The following RAB30 variants were observed in gnomAD, a reference collection of about 807,000 sequenced individuals.
RAB30 encodes the protein RAB30, member RAS oncogene family.
Under a neutral mutation model 25.1 loss-of-function variants are expected in RAB30, and 9 were observed. That is an observed-to-expected ratio of 0.36 (90% confidence interval 0.22 to 0.63). RAB30 has a LOEUF of 0.63. RAB30 is among the 20% of genes least tolerant of loss of function. The pLI is 0.69. For synonymous variants in RAB30, 77 were observed against 86.4 expected (o/e 0.89, Z 0.60); for missense variants, 140 against 243.5 (o/e 0.58, Z 2.83).
chr11:83,039,834 T>C (rs1858067283), intron 1 of RAB30, among the ~76,000 whole-genome samples: 1 of 152,112 alleles, frequency 6.6e-6, no homozygotes, highest in Admixed American at 6.6e-5. Context: ...AATGGCCGAC[T>C]TAATAAGTAG....
At chr11:82,985,714 C>CTT (rs60932116) in intron 4 of RAB30, among the ~76,000 whole-genome samples, 2,196 of 128,888 alleles carry the variant, frequency 0.017, 47 homozygotes, top group African/African-American at 0.051. Flanking sequence ...CCTTACTTGG[C>CTT]TTTTTTTTTT....
intron 1 of RAB30, among the ~76,000 whole-genome samples, chr11:83,025,724 G>C (rs1166962831): frequency 6.6e-6 from 1 of 152,190 alleles, no homozygotes; most frequent in Admixed American, 6.5e-5. Flanking sequence ...AATAAGAGGG[G>C]AGTACACAGA....
chr11:83,009,362 G>A lies in RAB30; in HGVS notation c.-8-12038C>T, dbSNP rs368560236. Among the ~76,000 whole-genome samples, 106 of 152,244 alleles carry A rather than the reference G, an allele frequency of 7.0e-4. 1 individual carries two copies. The South Asian group carries it at 0.011, about 15-fold the overall frequency. ...ATTACAGGCGTGAGCCACCGCGCCCGGCCAAAAACGGGGAAATTTTTAAGC... is the reference window on the plus strand; with the variant it reads ...ATTACAGGCGTGAGCCACCGCGCCCAGCCAAAAACGGGGAAATTTTTAAGC... On this transcript the variant is annotated intron_variant, in intron 1 of 4. Coordinates refer to ENST00000527633, the MANE Select transcript of RAB30 (RefSeq NM_001286060.2).
intron 1 of RAB30, among the ~76,000 whole-genome samples, chr11:83,001,024 G>A (rs1284590932): frequency 7.8e-6 from 1 of 127,938 alleles, no homozygotes; most frequent in African/African-American, 3.1e-5. Context: ...TCCCGCCTGG[G>A]CGACAGAACG....
chr11:83,019,757 G>A (rs559602807), intron 1 of RAB30, among the ~76,000 whole-genome samples: 17 of 152,252 alleles, frequency 1.1e-4, no homozygotes, highest in Admixed American at 1.3e-4. Context: ...TTTTCAGTAC[G>A]AAATTCAATA....
intron 1 of RAB30, chr11:83,038,796 G>A (rs1266588999): frequency 6.6e-6 from 1 of 151,444 alleles, no homozygotes; most frequent in African/African-American, 2.4e-5. Context: ...ATTCCAGCCT[G>A]GGAGACAAGA....
At chr11:82,990,863 A>G (rs954737041) in intron 3 of RAB30, among the ~76,000 whole-genome samples, 1 of 152,114 alleles carries the variant, frequency 6.6e-6, no homozygotes, top group African/African-American at 2.4e-5. Flanking sequence ...TATATTTTCT[A>G]CCAGAGGTCA....
chr11:83,026,537 G>A (rs1400490266), intron 1 of RAB30, among the ~76,000 whole-genome samples: 3 of 152,188 alleles, frequency 2.0e-5, no homozygotes, highest in Non-Finnish European at 4.4e-5. Context: ...TGTCATGACT[G>A]TAAGCTTTCT....
intron 1 of RAB30, among the ~76,000 whole-genome samples, chr11:83,066,104 TA>T (rs1203373107): frequency 6.6e-6 from 1 of 152,228 alleles, no homozygotes; most frequent in Non-Finnish European, 1.5e-5. Context: ...TGGTCCATAT[TA>T]AATTCCTCCA....
At position 82,979,372 on chromosome 11, in the gene RAB30, C is replaced by T. The variant is rs1354774666; in HGVS notation, c.*2793G>A. 1.3e-5 allele frequency: 2 copies of T among 152,168 alleles called. No individual in the cohort carries two copies. Among genetic ancestry groups the T allele is most frequent in the African/African-American group, 4.8e-5 (2 of 41,446 alleles). The allele number at this position is 152,168 out of a possible 1,614,324, so 9.4% of individuals were successfully genotyped here. On this transcript the variant is annotated 3_prime_UTR_variant, in exon 5 of 5. Transcript: ENST00000527633. ...TCTTAGTAGACCGAGCCAAATTAAA[C>T]TATATGATAAAGCAATTTCTCTTTT... is the stretch of plus-strand genomic sequence containing the variant.
rs184217681 is a variant in RAB30 at position 82,981,496 on chromosome 11, T to A, written c.*669A>T. ...TATATAACACATTTAAGGACATTAATGTACTAAAACGTTTGGTCTGTGAAA... is the reference window on the plus strand; with the variant it reads ...TATATAACACATTTAAGGACATTAAAGTACTAAAACGTTTGGTCTGTGAAA... On this transcript the variant is annotated 3_prime_UTR_variant, in exon 5 of 5. Transcript: ENST00000527633. The A allele has an allele frequency of 1.3e-5, 2 of 152,802 alleles. No homozygotes were observed. The highest frequency in any genetic ancestry group is 1.3e-4 in the Admixed American group (2 of 15,298). 9.5% of individuals were successfully genotyped at this position (152,802 alleles called of 1,614,324 possible).
Position 83,058,652 on chromosome 11 carries a change from A to T in RAB30, c.-9+13039T>A, listed in dbSNP as rs775485009. Among the ~76,000 whole-genome samples the T allele has an allele frequency of 2.6e-4, 40 of 152,212 alleles. 1 individual carries two copies. Among genetic ancestry groups the T allele is most frequent in the Non-Finnish European group, 3.1e-4 (21 of 68,034 alleles). ...CACTGGTGTAAACGTTGATCACTTA[A>T]AGTGGTGTCTGCCTTGTTTCTCCAC... On this transcript the variant is annotated intron_variant, in intron 1 of 4. Transcript: ENST00000527633.
intron 1 of RAB30, among the ~76,000 whole-genome samples, chr11:83,064,545 G>C (rs1330907015): frequency 6.6e-6 from 1 of 152,214 alleles, no homozygotes; most frequent in Non-Finnish European, 1.5e-5. Context: ...GCCAGCTGTA[G>C]AAGTTTCCAG....
intron 1 of RAB30, among the ~76,000 whole-genome samples, chr11:83,053,611 A>C (rs1858399655): frequency 7.5e-6 from 1 of 133,018 alleles, no homozygotes; most frequent in African/African-American, 3.5e-5. Context: ...TATGCTTCCT[A>C]AATGCCTTCA....
intron 2 of RAB30, among the ~76,000 whole-genome samples, chr11:82,996,555 T>G (rs1280003299): frequency 6.6e-6 from 1 of 152,174 alleles, no homozygotes; most frequent in Non-Finnish European, 1.5e-5. Context: ...AAGGTCAACT[T>G]TGGAATGATT....
chr11:82,985,516 C>A (rs2121436580), intron 4 of RAB30, among the ~76,000 whole-genome samples: 1 of 152,128 alleles, frequency 6.6e-6, no homozygotes, highest in East Asian at 1.9e-4. Context: ...ATCTATAAAT[C>A]TGCAAGAAAT....
chr11:83,008,593 A>G (rs1857237003), intron 1 of RAB30, among the ~76,000 whole-genome samples: 1 of 152,210 alleles, frequency 6.6e-6, no homozygotes, highest in Middle Eastern at 3.2e-3. Context: ...AGTGTTTTCC[A>G]GTGCATTATC....
At chr11:83,035,691 G>C (rs147801891) in intron 1 of RAB30, 1 of 152,344 alleles carries the variant, frequency 6.6e-6, no homozygotes, top group East Asian at 1.9e-4. Flanking sequence ...TGGGCCACAC[G>C]ATGTTAGGTT....
At chr11:83,066,889 C>T (rs1216679272) in intron 1 of RAB30, among the ~76,000 whole-genome samples, 1 of 152,198 alleles carries the variant, frequency 6.6e-6, no homozygotes, top group African/African-American at 2.4e-5. Context: ...AAGCATTTTA[C>T]ATTTGGCATC....
Sources: gnomAD v4.1 joint callset for allele counts (sites outside exome capture counted in the v4.1 genomes callset) on GRCh38, gnomAD v4.1.1 for gene constraint, MANE v1.5 for transcripts, NCBI Gene and HGNC (gene_info 2026-07-23, HGNC 2026-07-21) for gene names.